RAPGEF1: variants seen among roughly 807,000 people sequenced by gnomAD.
RAPGEF1 encodes Rap guanine nucleotide exchange factor 1, also known as CRK SH3-binding GNRP.
In RAPGEF1, 33 loss-of-function variants were observed where a neutral mutation model predicts 143.3. The ratio of observed to expected loss-of-function variants is 0.23; its 90% CI spans 0.17 to 0.31. The LOEUF is 0.31. Among genes scored for constraint, RAPGEF1 ranks in the 10% least tolerant of loss-of-function variants. The pLI is 1.00. For synonymous variants in RAPGEF1, 629 were observed against 676.5 expected (o/e 0.93, Z 1.09); for missense variants, 1,199 against 1,645.4 (o/e 0.73, Z 4.69).
intron 1 of RAPGEF1, among the ~76,000 whole-genome samples, chr9:131,730,876 G>A (rs768125339): frequency 1.6e-4 from 25 of 152,094 alleles, no homozygotes; most frequent in Non-Finnish European, 3.4e-4. Flanking sequence ...CAGCAGGACA[G>A]TCAGGAGGAG....
chr9:131,670,664 C>T (rs557040458), intron 1 of RAPGEF1, among the ~76,000 whole-genome samples: 39 of 152,296 alleles, frequency 2.6e-4, no homozygotes, highest in Non-Finnish European at 4.7e-4. Flanking sequence ...CGCAAAACCT[C>T]GGGACAGTCT....
chr9:131,592,242 G>A, intron 17 of RAPGEF1, 59 bp from the exon 18 acceptor site: 1 of 1,397,008 alleles, frequency 7.2e-7, no homozygotes, highest in Non-Finnish European at 1.0e-6. Context: ...GGGGGTGGTA[G>A]CCAGGGTGGA....
At position 131,588,020 on chromosome 9, in the gene RAPGEF1, C is replaced by A. The variant is rs367627947; in HGVS notation, c.3060G>T (p.Gly1020=). 2.9e-5 allele frequency: 46 copies of A among 1,611,844 alleles called. No individual in the cohort carries two copies. In the African/African-American group the frequency reaches 4.5e-4, roughly 16 times the overall value. The change falls in exon 21 of 27, where the codon GGG becomes GGT. Residue 1020 remains glycine, a synonymous_variant. Transcript: ENST00000683357. ...CATGGCTGTGAAAGTCGTGCAAGGTCCCCGGCCTGGAAGACAGAGGTGTGA... is the reference window on the plus strand; with the variant it reads ...CATGGCTGTGAAAGTCGTGCAAGGTACCCGGCCTGGAAGACAGAGGTGTGA... ...LAARGVAARP[G]TLHDFHSHEI...
intron 1 of RAPGEF1, among the ~76,000 whole-genome samples, chr9:131,702,011 C>G (rs949742016): frequency 2.0e-5 from 3 of 152,242 alleles, no homozygotes; most frequent in African/African-American, 7.2e-5. Context: ...TCTATTCACT[C>G]CAACGCCCTG....
chr9:131,705,283 C>T (rs1261962076), intron 1 of RAPGEF1, among the ~76,000 whole-genome samples: 4 of 152,124 alleles, frequency 2.6e-5, no homozygotes, highest in Non-Finnish European at 4.4e-5. Context: ...TGCCAGGCAC[C>T]GTGCAAGTGC....
chr9:131,600,589 C>T lies in RAPGEF1; in HGVS notation c.2501+1472G>A, dbSNP rs1370544462. On this transcript the variant is annotated intron_variant, in intron 15 of 26. Coordinates refer to ENST00000683357, the MANE Select transcript of RAPGEF1 (RefSeq NM_001377935.1). ...TTCTTTCTTTTGCTATTTTTATTAA[C>T]TGCCTCTTCAACCATTCATGCTGAG... Among the ~76,000 whole-genome samples, 3 of 152,168 alleles carry T rather than the reference C, an allele frequency of 2.0e-5. No homozygotes were observed. In the East Asian group the frequency reaches 5.8e-4, roughly 29 times the overall value.
intron 12 of RAPGEF1, among the ~76,000 whole-genome samples, chr9:131,605,597 T>A (rs1361336750): frequency 6.6e-6 from 1 of 152,174 alleles, no homozygotes; most frequent in Admixed American, 6.5e-5. Context: ...CAGGTTTTAT[T>A]CCTTAAGAGT....
intron 12 of RAPGEF1, among the ~76,000 whole-genome samples, chr9:131,609,761 T>C (rs1444909762): frequency 6.6e-6 from 1 of 152,186 alleles, no homozygotes; most frequent in Non-Finnish European, 1.5e-5. Flanking sequence ...AGGCACCAGT[T>C]TTTTTTCTCA....
chr9:131,708,776 G>C (rs901938384), intron 1 of RAPGEF1, among the ~76,000 whole-genome samples: 2 of 151,500 alleles, frequency 1.3e-5, no homozygotes, highest in East Asian at 3.9e-4. Flanking sequence ...CTGTCACCCA[G>C]GCTGGAGTGC....
At chr9:131,604,273 C>T (rs1956749456) in intron 13 of RAPGEF1, among the ~76,000 whole-genome samples, 1 of 152,222 alleles carries the variant, frequency 6.6e-6, no homozygotes, top group Non-Finnish European at 1.5e-5. Flanking sequence ...GAGATGGCCC[C>T]ACTGTAGTGG....
chr9:131,605,322 A>G (rs1956949612), intron 12 of RAPGEF1, 134 bp from the exon 13 acceptor site: 1 of 813,730 alleles, frequency 1.2e-6, no homozygotes, highest in Admixed American at 3.6e-5. Flanking sequence ...CAATCACGCC[A>G]AGCAACCCCC....
At chr9:131,737,615 A>G (rs887492135) in intron 1 of RAPGEF1, 25 of 1,455,912 alleles carry the variant, frequency 1.7e-5, no homozygotes, top group Non-Finnish European at 2.0e-5. Flanking sequence ...ATGAAGAGTC[A>G]TTTCATTCCC....
chr9:131,657,629 T>C (rs115541073), intron 1 of RAPGEF1, among the ~76,000 whole-genome samples: 5,993 of 152,240 alleles, frequency 0.039, 246 homozygotes, highest in East Asian at 0.09. Flanking sequence ...TAGTGGCTAC[T>C]GAGGCCTGAT....
chr9:131,633,379 G>A (rs1965475834), intron 5 of RAPGEF1, among the ~76,000 whole-genome samples: 1 of 152,168 alleles, frequency 6.6e-6, no homozygotes, highest in Non-Finnish European at 1.5e-5. Flanking sequence ...GCCTTAGAGG[G>A]AGTTAAAGAG....
At chr9:131,642,239 T>G (rs779802849) in intron 4 of RAPGEF1, among the ~76,000 whole-genome samples, 1 of 152,226 alleles carries the variant, frequency 6.6e-6, no homozygotes, top group East Asian at 1.9e-4. Flanking sequence ...AAAAGCTTCT[T>G]GGGGCAAAGG....
intron 1 of RAPGEF1, among the ~76,000 whole-genome samples, chr9:131,678,507 A>C (rs758490861): frequency 1.3e-5 from 2 of 152,234 alleles, no homozygotes; most frequent in Non-Finnish European, 2.9e-5. Context: ...CTAAACCACT[A>C]GTATAAGCCA....
chr9:131,662,477 C>G (rs1974390471), intron 1 of RAPGEF1, among the ~76,000 whole-genome samples: 1 of 152,106 alleles, frequency 6.6e-6, no homozygotes, highest in African/African-American at 2.4e-5. Context: ...ACCTCTGGGG[C>G]TCACATGATC....
chr9:131,684,841 C>T (rs1369338463), intron 1 of RAPGEF1, among the ~76,000 whole-genome samples: 1 of 152,182 alleles, frequency 6.6e-6, no homozygotes, highest in Non-Finnish European at 1.5e-5. Flanking sequence ...GAAGAGATTC[C>T]GGGAGGATCC....
chr9:131,599,615 G>A (rs1955932768), intron 15 of RAPGEF1, among the ~76,000 whole-genome samples: 1 of 152,074 alleles, frequency 6.6e-6, no homozygotes, highest in Non-Finnish European at 1.5e-5. Flanking sequence ...AAGGATGGGA[G>A]AGAACATTTC....
Sources: allele counts gnomAD v4.1 joint callset (sites outside exome capture counted in the v4.1 genomes callset), GRCh38; gene constraint gnomAD v4.1.1; transcripts MANE v1.5; gene names NCBI Gene and HGNC (gene_info 2026-07-23, HGNC 2026-07-21).